ZBTB20: variants seen among roughly 807,000 people sequenced by gnomAD.
ZBTB20 encodes the protein zinc finger and BTB domain containing 20.
A neutral mutation model predicts 56.9 loss-of-function variants in ZBTB20; 9 were observed. That is an observed-to-expected ratio of 0.16 (90% CI 0.10 to 0.28). The LOEUF (loss-of-function observed/expected upper bound fraction) is 0.28. Among genes scored for constraint, ZBTB20 ranks in the 10% least tolerant of loss-of-function variants. The probability of loss-of-function intolerance (pLI) is 1.00; values close to 1 mark genes in which losing one functional copy is unlikely to be tolerated. For synonymous variants in ZBTB20, 417 were observed against 420.7 expected, an observed-to-expected ratio of 0.99 and a Z score of 0.11; for missense variants, 655 against 1,003.0, an observed-to-expected ratio of 0.65 and a Z score of 4.69.
intron 1 of ZBTB20, among the ~76,000 whole-genome samples, chr3:115,129,624 A>C (rs1355358646): frequency 1.3e-5 from 2 of 152,230 alleles, no homozygotes; most frequent in East Asian, 3.8e-4. Context: ...TTTCCAATGA[A>C]ATATAAAACA....
intron 2 of ZBTB20, among the ~76,000 whole-genome samples, chr3:114,984,345 T>G (rs1485673195): frequency 6.6e-6 from 1 of 152,106 alleles, no homozygotes; most frequent in Non-Finnish European, 1.5e-5. Flanking sequence ...CTTGTTGGTG[T>G]GCTGGACCCA....
At chr3:114,930,110 A>T (rs1235926299) in intron 3 of ZBTB20, among the ~76,000 whole-genome samples, 3 of 151,974 alleles carry the variant, frequency 2.0e-5, no homozygotes, top group Admixed American at 1.3e-4. Flanking sequence ...ACAAACAAAC[A>T]AACAACAAAC....
chr3:114,826,999 G>A lies in ZBTB20; in HGVS notation c.-416-25825C>T, dbSNP rs141446654. On this transcript the variant is annotated intron_variant, in intron 4 of 11. Coordinates refer to ENST00000675478, the MANE Select transcript of ZBTB20 (RefSeq NM_001348800.3). ...AGCAAGCTACTTAACATTTAGGTGCGTAAGGGTTTTTTTCCCTAAAGTGGG... is the reference window on the plus strand; with the variant it reads ...AGCAAGCTACTTAACATTTAGGTGCATAAGGGTTTTTTTCCCTAAAGTGGG... Among the ~76,000 whole-genome samples, 10 of 151,596 alleles carry A rather than the reference G, an allele frequency of 6.6e-5. 1 individual carries two copies. The highest frequency in any genetic ancestry group is 1.0e-4 in the Non-Finnish European group (7 of 67,746).
At chr3:114,424,412 G>T (rs2089464370) in intron 7 of ZBTB20, among the ~76,000 whole-genome samples, 1 of 152,154 alleles carries the variant, frequency 6.6e-6, no homozygotes, top group Admixed American at 6.5e-5. Flanking sequence ...CCATTTACAT[G>T]CCAGGATTTC....
At chr3:114,423,754 T>G (rs961932558) in intron 7 of ZBTB20, among the ~76,000 whole-genome samples, 12 of 152,204 alleles carry the variant, frequency 7.9e-5, no homozygotes, top group African/African-American at 2.9e-4. Flanking sequence ...TGATCCCTAT[T>G]TATCTGTGAC....
intron 3 of ZBTB20, among the ~76,000 whole-genome samples, chr3:114,931,651 C>G (rs1381852171): frequency 2.6e-5 from 4 of 152,036 alleles, no homozygotes; most frequent in African/African-American, 9.7e-5. Flanking sequence ...TTTTTACCTA[C>G]AGACATGTCT....
chr3:114,779,596 A>G (rs2069902433), intron 5 of ZBTB20, among the ~76,000 whole-genome samples: 1 of 152,214 alleles, frequency 6.6e-6, no homozygotes, highest in African/African-American at 2.4e-5. Context: ...CTACTACAAA[A>G]CTACCTTAAC....
intron 5 of ZBTB20, among the ~76,000 whole-genome samples, chr3:114,795,472 T>A (rs916825980): frequency 4.6e-5 from 7 of 152,102 alleles, no homozygotes; most frequent in African/African-American, 1.4e-4. Context: ...ATACAGAAAG[T>A]CTGATTCAAA....
intron 1 of ZBTB20, among the ~76,000 whole-genome samples, chr3:115,128,355 C>G (rs2108660882): frequency 6.6e-6 from 1 of 152,092 alleles, no homozygotes; most frequent in East Asian, 1.9e-4. Flanking sequence ...GCCTAAAGTC[C>G]ATTTACAGAA....
At chr3:114,418,199 C>T (rs918871368) in intron 7 of ZBTB20, among the ~76,000 whole-genome samples, 1 of 152,074 alleles carries the variant, frequency 6.6e-6, no homozygotes, top group African/African-American at 2.4e-5. Context: ...CCTCACAATT[C>T]TTTAGGTGTT....
At chr3:114,773,720 AC>A (rs2069380856) in intron 5 of ZBTB20, among the ~76,000 whole-genome samples, 1 of 152,176 alleles carries the variant, frequency 6.6e-6, no homozygotes, top group Non-Finnish European at 1.5e-5. Context: ...AAGATAATGA[AC>A]ATTTAAGAAA....
chr3:114,965,727 T>C (rs1192496739), intron 3 of ZBTB20, among the ~76,000 whole-genome samples: 1 of 152,210 alleles, frequency 6.6e-6, no homozygotes, highest in African/African-American at 2.4e-5. Context: ...GTACTCACTG[T>C]GGTTTTAATT....
chr3:114,743,657 C>T (rs2066794320), intron 5 of ZBTB20: 1 of 154,226 alleles, frequency 6.5e-6, no homozygotes, highest in Non-Finnish European at 1.5e-5. Flanking sequence ...TTATCAGTCC[C>T]TACCCTAGAC....
Position 114,329,249 on chromosome 3 carries a change from G to A in ZBTB20, c.*9756C>T, listed in dbSNP as rs1259124626. On this transcript the variant is annotated 3_prime_UTR_variant, in exon 12 of 12. Transcript: ENST00000675478. ...AAGGAAGGAATTCCCCAGTGTTCAC[G>A]CTGAGAAGTCTTCATATTGGACCAG... 2 of 152,114 alleles carry A rather than the reference G, an allele frequency of 1.3e-5. No homozygotes were observed. The highest frequency in any genetic ancestry group is 4.8e-5 in the African/African-American group (2 of 41,420). The allele number at this position is 152,114 out of a possible 1,614,324, so 9.4% of individuals were successfully genotyped here.
chr3:114,564,970 G>A (rs897667659), intron 6 of ZBTB20, among the ~76,000 whole-genome samples: 1 of 152,102 alleles, frequency 6.6e-6, no homozygotes, highest in African/African-American at 2.4e-5. Flanking sequence ...CTGCTTGCCT[G>A]ACCTACATCT....
intron 2 of ZBTB20, among the ~76,000 whole-genome samples, chr3:114,978,050 T>C (rs1480874881): frequency 6.6e-6 from 1 of 151,136 alleles, no homozygotes. Context: ...GAAAACATCT[T>C]TAACAAAATT....
In ZBTB20 at chr3:114,326,588, G is replaced by T. The variant is rs1235570475; in HGVS notation, c.*12417C>A. 1 of 151,970 alleles carries T rather than the reference G, an allele frequency of 6.6e-6. No individual in the cohort carries two copies. Among genetic ancestry groups the T allele is most frequent in the Non-Finnish European group, 1.5e-5 (1 of 67,944 alleles). The allele number at this position is 151,970 out of a possible 1,614,324, so 9.4% of individuals were successfully genotyped here. On this transcript the variant is annotated 3_prime_UTR_variant, in exon 12 of 12. Transcript: ENST00000675478. ...CTGTCCATGGACAGTAACAAATTAA[G>T]AAATAAAAATCCTTTACTATCTTGA...
chr3:114,666,866 C>G (rs2061085704), intron 6 of ZBTB20, among the ~76,000 whole-genome samples: 2 of 151,914 alleles, frequency 1.3e-5, no homozygotes, highest in African/African-American at 4.8e-5. Flanking sequence ...TTCCACAGAA[C>G]AATGCTTTGC....
chr3:114,384,130 T>TTCTCTCTC (rs892528946), intron 8 of ZBTB20, among the ~76,000 whole-genome samples: 10 of 98,670 alleles, frequency 1.0e-4, no homozygotes, highest in African/African-American at 4.3e-4. Context: ...CTCTCTCTCA[T>TTCTCTCTC]TCTCTCTCTC....
Sources: allele counts gnomAD v4.1 joint callset (sites outside exome capture counted in the v4.1 genomes callset), GRCh38; gene constraint gnomAD v4.1.1; transcripts MANE v1.5; gene names NCBI Gene and HGNC (gene_info 2026-07-23, HGNC 2026-07-21).